The following ARMC8 variants were observed in gnomAD, a reference collection of about 807,000 sequenced individuals.
ARMC8 encodes the protein armadillo repeat-containing protein 8.
In ARMC8, 20 loss-of-function variants were observed where a neutral mutation model predicts 99.3. That is an observed-to-expected ratio of 0.20 (90% CI 0.14 to 0.29). ARMC8 has a LOEUF of 0.29. Ranked by LOEUF, ARMC8 falls within the 10% of genes least tolerant of loss-of-function variation. The pLI, the probability that ARMC8 is intolerant of heterozygous loss-of-function variation, is 1.00. For synonymous variants in ARMC8, 263 were observed against 278.3 expected, an observed-to-expected ratio of 0.95 and a Z score of 0.55; for missense variants, 569 against 809.5, an observed-to-expected ratio of 0.70 and a Z score of 3.60.
chr3:138,272,084 G>A (rs1190096661), intron 16 of ARMC8, among the ~76,000 whole-genome samples: 2 of 152,162 alleles, frequency 1.3e-5, no homozygotes, highest in African/African-American at 4.8e-5. Context: ...ATACAAATTA[G>A]AGAAAAAGGA....
chr3:138,188,271 G>T, intron 1 of ARMC8: 1 of 776,828 alleles, frequency 1.3e-6, no homozygotes, highest in Non-Finnish European at 1.9e-6. Context: ...CTGGTATTCC[G>T]TTTTTCTTTA....
At chr3:138,275,088 A>G (rs2049148758) in intron 18 of ARMC8, among the ~76,000 whole-genome samples, 2 of 152,160 alleles carry the variant, frequency 1.3e-5, no homozygotes, top group Non-Finnish European at 2.9e-5. Context: ...GACAGTTGGG[A>G]ATTATTTTTC....
chr3:138,295,232 T>A (rs2051368715), intron 21 of ARMC8, among the ~76,000 whole-genome samples: 1 of 152,136 alleles, frequency 6.6e-6, no homozygotes, highest in Admixed American at 6.6e-5. Context: ...CCTGGCCACC[T>A]TCTTCCCCCA....
intron 12 of ARMC8, among the ~76,000 whole-genome samples, chr3:138,249,658 G>T (rs1364183066): frequency 1.3e-5 from 2 of 151,990 alleles, no homozygotes; most frequent in Non-Finnish European, 2.9e-5. Context: ...TCCAATTAGT[G>T]TCTGATTTTT....
At chr3:138,212,073 C>A (rs1331066970) in intron 2 of ARMC8, among the ~76,000 whole-genome samples, 2 of 152,042 alleles carry the variant, frequency 1.3e-5, no homozygotes, top group Non-Finnish European at 2.9e-5. Context: ...ATACTAAAAT[C>A]TGTTTATAGT....
At chr3:138,204,021 C>T (rs1456772645) in intron 1 of ARMC8, among the ~76,000 whole-genome samples, 1 of 152,184 alleles carries the variant, frequency 6.6e-6, no homozygotes, top group Non-Finnish European at 1.5e-5. Context: ...ATTCCTTCTC[C>T]TCTTTCTTCA....
intron 21 of ARMC8, among the ~76,000 whole-genome samples, chr3:138,294,205 A>C (rs1222221960): frequency 6.6e-6 from 1 of 152,216 alleles, no homozygotes; most frequent in African/African-American, 2.4e-5. Context: ...TGAAGAATAT[A>C]TCTCTCAGGT....
At chr3:138,289,318 C>T (rs1015470999) in intron 20 of ARMC8, among the ~76,000 whole-genome samples, 198 bp downstream of exon 20, 1 of 152,056 alleles carries the variant, frequency 6.6e-6, no homozygotes, top group South Asian at 2.1e-4. Flanking sequence ...CTGAGTGCCC[C>T]GTTGGAGCCA....
chr3:138,202,392 T>TA (rs2044133943), intron 1 of ARMC8, among the ~76,000 whole-genome samples: 1 of 152,186 alleles, frequency 6.6e-6, no homozygotes, highest in African/African-American at 2.4e-5. Flanking sequence ...AGTTTGAGAG[T>TA]AAGCTGCTAT....
chr3:138,245,422 T>C (rs949292993), intron 12 of ARMC8: 1 of 1,385,334 alleles, frequency 7.2e-7, no homozygotes, highest in Non-Finnish European at 9.3e-7. Flanking sequence ...GCTTTTTTTT[T>C]GTGTCATTAA....
At chr3:138,232,686 A>G (rs553612267) in intron 6 of ARMC8, among the ~76,000 whole-genome samples, 10 of 152,362 alleles carry the variant, frequency 6.6e-5, no homozygotes, top group African/African-American at 2.4e-4. Context: ...GATCTCTGAG[A>G]TAAATTGTGA....
At chr3:138,230,130 G>A (rs987471064) in intron 6 of ARMC8, among the ~76,000 whole-genome samples, 3 of 152,156 alleles carry the variant, frequency 2.0e-5, no homozygotes, top group Admixed American at 6.5e-5. Context: ...CTTGGATTAC[G>A]TTGACAAAGT....
intron 1 of ARMC8, among the ~76,000 whole-genome samples, chr3:138,194,749 C>T (rs2043615770): frequency 6.6e-6 from 1 of 151,750 alleles, no homozygotes; most frequent in Admixed American, 6.6e-5. Flanking sequence ...ATATTGTTGG[C>T]CTTGCCTATA....
chr3:138,214,244 C>G (rs950239041), intron 2 of ARMC8, among the ~76,000 whole-genome samples: 1 of 151,290 alleles, frequency 6.6e-6, no homozygotes, highest in African/African-American at 2.4e-5. Flanking sequence ...TGATATAAGC[C>G]AACGTAGCTA....
At chr3:138,249,922 GA>G (rs1297544756) in intron 12 of ARMC8, among the ~76,000 whole-genome samples, 1 of 152,162 alleles carries the variant, frequency 6.6e-6, no homozygotes, top group African/African-American at 2.4e-5. Flanking sequence ...AGCTATCCTT[GA>G]GTCAATTTGG....
At chr3:138,285,214 A>G (rs2050292612) in intron 19 of ARMC8, among the ~76,000 whole-genome samples, 2 of 152,182 alleles carry the variant, frequency 1.3e-5, no homozygotes, top group African/African-American at 4.8e-5. Context: ...ATGAGAATAT[A>G]TTCTTACCTG....
intron 18 of ARMC8, among the ~76,000 whole-genome samples, chr3:138,277,752 C>T (rs554660420): frequency 1.2e-4 from 19 of 152,270 alleles, no homozygotes; most frequent in Non-Finnish European, 2.2e-4. Context: ...TGTACATATA[C>T]GTGCCATACG....
In ARMC8 at chr3:138,235,057, A is replaced by C. The variant is rs1488975989; in HGVS notation, c.552A>C (p.Leu184Phe). 1 of 1,613,746 alleles carries C rather than the reference A, an allele frequency of 6.2e-7. No individual in the cohort carries two copies. Among genetic ancestry groups the C allele is most frequent in the African/African-American group, 1.3e-5 (1 of 74,908 alleles). ...AGGGGCCAGATCATCAAACAATTTT[A>C]TTTAACCACGGTGCAGTTCAGAATA... ...CCKGPDHQTI[L>F]FNHGAVQNIA... The change falls in exon 7 of 22, where the codon TTA (leucine) becomes TTC (phenylalanine). Residue 184 changes from leucine to phenylalanine, a missense_variant. Around this residue, in one of 2 missense-constraint regions of ARMC8, gnomAD observed 342 missense variants for 391.6 expected, o/e 0.87. Transcript: ENST00000469044.
At chr3:138,264,248 C>T (rs748872271) in intron 14 of ARMC8, 36 bp downstream of exon 14, 2 of 1,552,638 alleles carry the variant, frequency 1.3e-6, no homozygotes, top group South Asian at 1.1e-5. Context: ...CAGCTGTACT[C>T]ACAGACCCTA....
Sources: allele counts gnomAD v4.1 joint callset (sites outside exome capture counted in the v4.1 genomes callset), GRCh38; gene constraint gnomAD v4.1.1; regional missense constraint gnomAD v4.1.1; transcripts MANE v1.5; gene names NCBI Gene and HGNC (gene_info 2026-07-23, HGNC 2026-07-21).